PIGS: variants seen among roughly 807,000 people sequenced by gnomAD.
The protein encoded by PIGS is GPI-anchor transamidase component PIGS.
Under a neutral mutation model 58.2 loss-of-function variants are expected in PIGS, and 37 were observed. That is an observed-to-expected ratio of 0.64 (90% confidence interval 0.49 to 0.84). The LOEUF (loss-of-function observed/expected upper bound fraction) is 0.84. Among genes scored for constraint, PIGS ranks in the 40% least tolerant of loss-of-function variants. The pLI is 0.00. For missense variants in PIGS, 629 were observed against 710.8 expected (o/e 0.88, Z 1.31); for synonymous variants, 269 against 289.2 (o/e 0.93, Z 0.71).
At chr17:28,561,056 G>T (rs951839907) in intron 6 of PIGS, among the ~76,000 whole-genome samples, 14 of 152,224 alleles carry the variant, frequency 9.2e-5, no homozygotes, top group African/African-American at 3.4e-4. Context: ...AGGAGATCGA[G>T]ACCATCCTGG....
In PIGS at chr17:28,553,702, C is replaced by A; in HGVS notation, c.*518G>T. 5.8e-6 allele frequency: 1 copy of A among 172,878 alleles called. No individual in the cohort carries two copies. The highest frequency in any genetic ancestry group is 1.2e-5 in the Non-Finnish European group (1 of 80,690). 10.7% of individuals were successfully genotyped at this position (172,878 alleles called of 1,614,324 possible). On this transcript the variant is annotated 3_prime_UTR_variant, in exon 12 of 12. Coordinates refer to ENST00000308360, the MANE Select transcript of PIGS (RefSeq NM_033198.4). ...GCACCATGTCCTGAGCTGCTGCCTC[C>A]TGGACTCCCGCCAGACTGCACCTGA...
chr17:28,561,278 T>A (rs953016589), intron 6 of PIGS, 144 bp downstream of exon 6: 475 of 395,392 alleles, frequency 1.2e-3, no homozygotes, highest in Middle Eastern at 3.1e-3. Flanking sequence ...CTAAAAAAAA[T>A]AATAATAATA....
chr17:28,561,326 A>G, intron 6 of PIGS, 96 bp downstream of exon 6: 3 of 1,014,256 alleles, frequency 3.0e-6, no homozygotes, highest in South Asian at 2.0e-5. Flanking sequence ...AATTGAGACT[A>G]GAGAAGAAAG....
chr17:28,570,269 G>A (rs1403010162), intron 3 of PIGS, among the ~76,000 whole-genome samples: 1 of 152,244 alleles, frequency 6.6e-6, no homozygotes, highest in Admixed American at 6.5e-5. Flanking sequence ...CCAACACTTT[G>A]GGAGGCTGAG....
chr17:28,560,543 C>T (rs1177963689), intron 6 of PIGS, among the ~76,000 whole-genome samples: 8 of 151,892 alleles, frequency 5.3e-5, no homozygotes, highest in Non-Finnish European at 2.9e-5. Context: ...TTTGGGAGGC[C>T]GAGGCAGGCA....
At chr17:28,561,662 G>A (rs2070365572) in intron 5 of PIGS, 33 bp from the exon 6 acceptor site, 1 of 1,580,004 alleles carries the variant, frequency 6.3e-7, no homozygotes, top group Non-Finnish European at 8.6e-7. Context: ...GAATGCCCAT[G>A]GCTCAGAAAA....
At position 28,571,187 on chromosome 17, in the gene PIGS, C is replaced by T. The variant is rs1264966074; in HGVS notation, c.36G>A (p.Glu12=). The T allele has an allele frequency of 1.2e-6, 2 of 1,612,770 alleles. No homozygotes were observed. The highest frequency in any genetic ancestry group is 2.2e-5 in the East Asian group (1 of 44,878). Residue 12 remains glutamate, a splice_region_variant and synonymous_variant, in exon 2 of 12, where the codon GAG becomes GAA. Transcript: ENST00000308360. ...AAAGAAATHL[E]VARGKRAALF... ...GGGCGGCGCGCTTGCCCCGGGCCAC[C>T]TCTGAGGGCATGGGGAACCGACTGA...
intron 3 of PIGS, among the ~76,000 whole-genome samples, chr17:28,570,371 C>T (rs1217039775): frequency 1.3e-5 from 2 of 152,152 alleles, no homozygotes; most frequent in African/African-American, 4.8e-5. Flanking sequence ...ATTAGCTGGG[C>T]GTAGTGTCGC....
intron 3 of PIGS, among the ~76,000 whole-genome samples, chr17:28,564,530 G>A (rs1351259221): frequency 1.3e-5 from 2 of 151,992 alleles, no homozygotes; most frequent in Non-Finnish European, 2.9e-5. Flanking sequence ...CCTGGCCAAC[G>A]TGATGAAACC....
chr17:28,568,862 G>A (rs768350802), intron 3 of PIGS, among the ~76,000 whole-genome samples: 39 of 152,278 alleles, frequency 2.6e-4, no homozygotes, highest in African/African-American at 4.1e-4. Context: ...TTGGGAGGCC[G>A]AGGCTGGTGG....
At chr17:28,560,256 CT>C in intron 6 of PIGS, 65 bp from the exon 7 acceptor site, 1 of 1,535,764 alleles carries the variant, frequency 6.5e-7, no homozygotes, top group South Asian at 1.2e-5. Context: ...GCAGCCTGTA[CT>C]CCCAGCTGAG....
chr17:28,565,501 A>G (rs1019250008), intron 3 of PIGS, among the ~76,000 whole-genome samples: 5 of 152,236 alleles, frequency 3.3e-5, no homozygotes, highest in African/African-American at 1.2e-4. Context: ...TTGACAAGCT[A>G]AACCTAAAAT....
At chr17:28,565,988 G>A (rs372163185) in intron 3 of PIGS, among the ~76,000 whole-genome samples, 52 of 152,122 alleles carry the variant, frequency 3.4e-4, no homozygotes, top group East Asian at 3.1e-3. Flanking sequence ...CTGAGATTGC[G>A]CCACTGCACT....
intron 7 of PIGS, among the ~76,000 whole-genome samples, chr17:28,558,972 G>C (rs1441457646): frequency 6.6e-6 from 1 of 152,136 alleles, no homozygotes; most frequent in Non-Finnish European, 1.5e-5. Flanking sequence ...GATACAGAAA[G>C]CTACATTCTT....
intron 6 of PIGS, 87 bp downstream of exon 6, chr17:28,561,335 A>G: frequency 8.5e-7 from 1 of 1,178,832 alleles, no homozygotes; most frequent in South Asian, 1.6e-5. Context: ...TAGAGAAGAA[A>G]GGAGAAAGAA....
chr17:28,557,014 CCTG>C, intron 8 of PIGS, 42 bp from the exon 9 acceptor site: 1 of 1,611,896 alleles, frequency 6.2e-7, no homozygotes, highest in Non-Finnish European at 8.5e-7. Flanking sequence ...ACATGCTGGA[CCTG>C]GACCTTAGTC....
At chr17:28,571,293 C>T in intron 1 of PIGS, 105 bp from the exon 2 acceptor site, 1 of 1,529,380 alleles carries the variant, frequency 6.5e-7, no homozygotes, top group Non-Finnish European at 8.8e-7. Context: ...GGCCCGCGTT[C>T]ATTGGGATCT....
In PIGS at chr17:28,554,219, C is replaced by G; in HGVS notation, c.*1G>C. On this transcript the variant is annotated 3_prime_UTR_variant, in exon 12 of 12. Coordinates refer to ENST00000308360, the MANE Select transcript of PIGS (RefSeq NM_033198.4). ...GGCTTCCTATGGAGGTGCTGCCCTG[C>G]TCAGTCTGTCTTCTCAGGCTTTCTC... is the stretch of plus-strand genomic sequence containing the variant. 1.2e-6 allele frequency: 2 copies of G among 1,613,936 alleles called. No homozygotes were observed. Among genetic ancestry groups the G allele is most frequent in the Non-Finnish European group, 1.7e-6 (2 of 1,179,980 alleles).
chr17:28,571,009 G>A (rs1337550038), intron 2 of PIGS, 40 bp downstream of exon 2: 2 of 1,613,766 alleles, frequency 1.2e-6, no homozygotes, highest in African/African-American at 1.3e-5. Context: ...CCACCTTGCC[G>A]GGGGGGCTGT....
Sources: allele counts gnomAD v4.1 joint callset (sites outside exome capture counted in the v4.1 genomes callset), GRCh38; gene constraint gnomAD v4.1.1; transcripts MANE v1.5; gene names NCBI Gene and HGNC (gene_info 2026-07-23, HGNC 2026-07-21).